Variants in NRXN3 observed in about 807,000 individuals in gnomAD.
NRXN3 encodes the protein neurexin 3.
In NRXN3, 32 loss-of-function variants were observed where a neutral mutation model predicts 137.6. The ratio of observed to expected loss-of-function variants is 0.23; its 90% confidence interval spans 0.18 to 0.31. The LOEUF (loss-of-function observed/expected upper bound fraction) is 0.31, where lower values mean the gene tolerates loss of function less well. Ranked by LOEUF, NRXN3 falls within the 10% of genes least tolerant of loss-of-function variation. The pLI is 1.00. For synonymous variants in NRXN3, 798 were observed against 784.5 expected (o/e 1.02, Z -0.29); for missense variants, 1,574 against 2,062.5 (o/e 0.76, Z 4.59).
intron 15 of NRXN3, among the ~76,000 whole-genome samples, chr14:79,322,352 A>C (rs2090171490): frequency 6.6e-6 from 1 of 152,150 alleles, no homozygotes; most frequent in Non-Finnish European, 1.5e-5. Flanking sequence ...GGACACCGAA[A>C]TCACAGGCTT....
intron 4 of NRXN3, among the ~76,000 whole-genome samples, chr14:78,601,929 T>G (rs1363803036): frequency 6.6e-6 from 1 of 152,204 alleles, no homozygotes; most frequent in Non-Finnish European, 1.5e-5. Context: ...TCCTCAAAGA[T>G]AAATATTTTA....
chr14:79,402,984 T>C (rs2153496084), intron 15 of NRXN3, among the ~76,000 whole-genome samples: 1 of 152,340 alleles, frequency 6.6e-6, no homozygotes, highest in African/African-American at 2.4e-5. Flanking sequence ...TTTTAGCACC[T>C]ATAATTTGAG....
chr14:79,273,623 G>C (rs1598163230), intron 15 of NRXN3, among the ~76,000 whole-genome samples: 1 of 152,160 alleles, frequency 6.6e-6, no homozygotes, highest in African/African-American at 2.4e-5. Context: ...GACAGAGTGA[G>C]ACTCCGTCTC....
At chr14:78,945,997 G>C (rs969272642) in intron 10 of NRXN3, among the ~76,000 whole-genome samples, 1 of 152,222 alleles carries the variant, frequency 6.6e-6, no homozygotes, top group Non-Finnish European at 1.5e-5. Context: ...ATAAGAGGCA[G>C]AAAATGTAAC....
At position 79,811,643 on chromosome 14, in the gene NRXN3, A is replaced by G. The variant is rs561686834; in HGVS notation, c.4093+6453A>G. 3.6e-4 allele frequency among the ~76,000 whole-genome samples: 49 copies of G among 136,820 alleles called. 1 individual carries two copies. The South Asian group carries it at 9.9e-3, about 28-fold the overall frequency. 89.8% of individuals were successfully genotyped at this position (136,820 alleles called of 152,430 possible). ...GTCGCCCAGGCTGGAGTGCAATGGC[A>G]TGATCTCGGCTCACTGCAAGCTCCG... On this transcript the variant is annotated intron_variant, in intron 20 of 20. Transcript: ENST00000335750.
chr14:78,988,469 C>T (rs552919142), intron 15 of NRXN3, among the ~76,000 whole-genome samples: 3 of 152,312 alleles, frequency 2.0e-5, no homozygotes, highest in African/African-American at 7.2e-5. Flanking sequence ...TGAATTAAAT[C>T]ACCTTATCTT....
chr14:78,711,462 A>G (rs1414921319), intron 7 of NRXN3, among the ~76,000 whole-genome samples: 2 of 107,588 alleles, frequency 1.9e-5, no homozygotes, highest in Admixed American at 2.0e-4. Context: ...TTTTTTTGAG[A>G]CAGAGTTTCT....
At chr14:79,270,955 T>G (rs1219413315) in intron 15 of NRXN3, among the ~76,000 whole-genome samples, 1 of 152,198 alleles carries the variant, frequency 6.6e-6, no homozygotes, top group East Asian at 1.9e-4. Context: ...TAATAACACT[T>G]TGTACCTTCT....
At chr14:79,196,651 A>ATAGT (rs1491317016) in intron 15 of NRXN3, among the ~76,000 whole-genome samples, 1 of 139,546 alleles carries the variant, frequency 7.2e-6, no homozygotes, top group Non-Finnish European at 1.6e-5. Context: ...AGATAGATAG[A>ATAGT]TATAGATATA....
intron 1 of NRXN3, among the ~76,000 whole-genome samples, chr14:78,186,106 G>A (rs1397226212): frequency 6.6e-6 from 1 of 152,194 alleles, no homozygotes; most frequent in Non-Finnish European, 1.5e-5. Context: ...CCACTAAGCT[G>A]GGCCATAGAG....
intron 4 of NRXN3, among the ~76,000 whole-genome samples, chr14:78,419,632 A>AT (rs1289720368): frequency 6.6e-6 from 1 of 152,184 alleles, no homozygotes; most frequent in Non-Finnish European, 1.5e-5. Context: ...TCATCTTCAA[A>AT]TGCAAAGACC....
chr14:78,942,224 C>T (rs2099354470), intron 10 of NRXN3, among the ~76,000 whole-genome samples: 1 of 152,324 alleles, frequency 6.6e-6, no homozygotes, highest in Admixed American at 6.5e-5. Flanking sequence ...AAGTACTTCA[C>T]TTTCTTTCTC....
chr14:79,496,252 C>CAG (rs1194750244), intron 16 of NRXN3, among the ~76,000 whole-genome samples: 35 of 145,764 alleles, frequency 2.4e-4, no homozygotes, highest in African/African-American at 7.8e-4. Flanking sequence ...CACACACACA[C>CAG]ACAGACACAC....
chr14:79,206,044 C>T (rs939263700), intron 15 of NRXN3, among the ~76,000 whole-genome samples: 1 of 152,174 alleles, frequency 6.6e-6, no homozygotes, highest in African/African-American at 2.4e-5. Context: ...ACACACCATT[C>T]TGCCCTCATA....
At chr14:79,659,101 A>C (rs2153982407) in intron 16 of NRXN3, among the ~76,000 whole-genome samples, 1 of 152,238 alleles carries the variant, frequency 6.6e-6, no homozygotes, top group South Asian at 2.1e-4. Flanking sequence ...AGCTGGACTA[A>C]TTTGGGGAGC....
At chr14:79,400,796 A>G (rs1368423285) in intron 15 of NRXN3, among the ~76,000 whole-genome samples, 3 of 152,174 alleles carry the variant, frequency 2.0e-5, no homozygotes, top group African/African-American at 7.2e-5. Flanking sequence ...TTAAACCATT[A>G]AAGATTGGAG....
chr14:79,384,150 A>T (rs1382744352), intron 15 of NRXN3, among the ~76,000 whole-genome samples: 2 of 152,164 alleles, frequency 1.3e-5, no homozygotes, highest in African/African-American at 4.8e-5. Flanking sequence ...TAACCATTTA[A>T]CATATTTTTA....
chr14:79,778,138 T>G lies in NRXN3; in HGVS notation c.4015-26974T>G, dbSNP rs527536715. Reference sequence around the variant, plus strand: ...TTGATATAAGACTGGTAGCATAGGCTGGGCGTGGTGGCTCACGCCTGTAAT... The same window carrying G: ...TTGATATAAGACTGGTAGCATAGGCGGGGCGTGGTGGCTCACGCCTGTAAT... On this transcript the variant is annotated intron_variant, in intron 19 of 20. Coordinates refer to ENST00000335750, the MANE Select transcript of NRXN3 (RefSeq NM_001330195.2). Among the ~76,000 whole-genome samples, 19 of 152,306 alleles carry G rather than the reference T, an allele frequency of 1.2e-4. No individual in the cohort carries two copies. The East Asian group carries it at 3.3e-3, about 26-fold the overall frequency.
At chr14:78,786,661 A>G (rs1390505189) in intron 8 of NRXN3, among the ~76,000 whole-genome samples, 1 of 152,150 alleles carries the variant, frequency 6.6e-6, no homozygotes, top group Non-Finnish European at 1.5e-5. Context: ...GTAATAGCAT[A>G]TATTTCAGTG....
Sources: allele counts gnomAD v4.1 joint callset (sites outside exome capture counted in the v4.1 genomes callset), GRCh38; gene constraint gnomAD v4.1.1; transcripts MANE v1.5; gene names NCBI Gene and HGNC (gene_info 2026-07-23, HGNC 2026-07-21).